MYO18B: variants seen among roughly 807,000 people sequenced by gnomAD.
MYO18B encodes the protein unconventional myosin-XVIIIb.
Under a neutral mutation model 273.0 loss-of-function variants are expected in MYO18B, and 204 were observed. The ratio of observed to expected loss-of-function variants is 0.75; its 90% CI spans 0.67 to 0.84. The LOEUF is 0.84. Among genes scored for constraint, MYO18B ranks in the 40% least tolerant of loss-of-function variants. The pLI is 0.00. For missense variants in MYO18B, 3,212 were observed against 3,287.6 expected, an observed-to-expected ratio of 0.98 and a Z score of 0.56; for synonymous variants, 1,330 against 1,305.7, an observed-to-expected ratio of 1.02 and a Z score of -0.40.
chr22:25,787,645 C>A (rs2087458633), intron 11 of MYO18B, among the ~76,000 whole-genome samples: 1 of 152,044 alleles, frequency 6.6e-6, no homozygotes, highest in African/African-American at 2.4e-5. Flanking sequence ...AATGAAATTT[C>A]TTTCATTCTC....
chr22:25,781,142 A>T (rs1399569353), intron 9 of MYO18B, among the ~76,000 whole-genome samples: 2 of 152,222 alleles, frequency 1.3e-5, no homozygotes, highest in African/African-American at 4.8e-5. Flanking sequence ...AAAAGGGAAT[A>T]TGTTGGAAGG....
chr22:25,803,321 G>A (rs958538401), intron 12 of MYO18B, among the ~76,000 whole-genome samples: 1 of 152,144 alleles, frequency 6.6e-6, no homozygotes, highest in African/African-American at 2.4e-5. Context: ...TTGTAGGATG[G>A]ATCAGTATTT....
intron 11 of MYO18B, among the ~76,000 whole-genome samples, chr22:25,789,792 C>A (rs2087576721): frequency 6.6e-6 from 1 of 152,184 alleles, no homozygotes; most frequent in South Asian, 2.1e-4. Flanking sequence ...TGGTCCTATA[C>A]CTGCAGGTGT....
In MYO18B at chr22:26,027,274, G is replaced by A. The variant is rs983088938; in HGVS notation, c.7300G>A (p.Glu2434Lys). 3 of 1,613,992 alleles carry A rather than the reference G, an allele frequency of 1.9e-6. No homozygotes were observed. Among genetic ancestry groups the A allele is most frequent in the South Asian group, 1.1e-5 (1 of 91,080 alleles). ...FSWKLPSLDYERKTKVDFDDF... is the reference protein window; with the variant it reads ...FSWKLPSLDYKRKTKVDFDDF... The stretch of plus-strand genomic sequence containing the variant: ...CTGGAAACTCCCAAGCCTCGACTAC[G>A]AACGCAAGACCAAAGTGGACTTCGA... The change falls in exon 43 of 44, where the codon GAA (glutamate) becomes AAA (lysine). Residue 2434 changes from glutamate (E) to lysine (K), a missense_variant. Glu to Lys is a moderately conservative substitution (Grantham distance 56). Transcript: ENST00000335473. This position sits in a 1 kb window ranked among gnomAD's most constrained non-coding sequence, Gnocchi z 4.1.
intron 39 of MYO18B, among the ~76,000 whole-genome samples, chr22:25,970,801 G>A (rs185510315): frequency 2.7e-5 from 4 of 148,076 alleles, no homozygotes; most frequent in Non-Finnish European, 5.9e-5. Flanking sequence ...GAGACAAAGC[G>A]TCCTGCTGGA....
rs769759687 is a variant in MYO18B at position 25,955,250 on chromosome 22, G to A, written c.6042G>A (p.Glu2014=). The A allele has an allele frequency of 1.9e-6, 3 of 1,613,756 alleles. No homozygotes were observed. The South Asian group carries it at 3.3e-5, about 18-fold the overall frequency. Residue 2014 remains glutamate, a synonymous_variant, in exon 39 of 44, where the codon GAG becomes GAA. Coordinates refer to ENST00000335473, the MANE Select transcript of MYO18B (RefSeq NM_032608.7). ...GEELSQAATS[E]SQQRESSQYY... ...AGCTTTCACAGGCGGCCACCTCCGA[G>A]TCCCAGCAGCGGGAGAGCAGCCAGT...
At chr22:25,838,260 G>A (rs1030112862) in intron 17 of MYO18B, among the ~76,000 whole-genome samples, 6 of 151,944 alleles carry the variant, frequency 3.9e-5, no homozygotes, top group Non-Finnish European at 5.9e-5. Flanking sequence ...GTGCAGTGGC[G>A]CGATCTCAGC....
intron 11 of MYO18B, among the ~76,000 whole-genome samples, chr22:25,790,391 G>A (rs2087609622): frequency 6.6e-6 from 1 of 152,216 alleles, no homozygotes; most frequent in Admixed American, 6.5e-5. Flanking sequence ...CGTCTGGCTT[G>A]TATTACCATC....
intron 39 of MYO18B, among the ~76,000 whole-genome samples, chr22:25,972,164 T>G (rs971620648): frequency 1.3e-5 from 2 of 151,226 alleles, no homozygotes; most frequent in African/African-American, 4.8e-5. Context: ...GTATTTTATA[T>G]TTATATATGA....
chr22:26,060,872 C>T, the MYO18B span, among the ~76,000 whole-genome samples: 1 of 104,120 alleles, frequency 9.6e-6, no homozygotes, highest in Non-Finnish European at 1.7e-5. Flanking sequence ...CACAAACACA[C>T]AGTTTTACAT....
chr22:25,763,234 C>A lies in MYO18B; in HGVS notation c.43C>A (p.Arg15=). The A allele has an allele frequency of 6.2e-7, 1 of 1,607,960 alleles. No individual in the cohort carries two copies. Among genetic ancestry groups the A allele is most frequent in the Non-Finnish European group, 8.5e-7 (1 of 1,175,854 alleles). Residue 15 remains arginine (R), a synonymous_variant, in exon 3 of 44, where the codon CGG becomes AGG. Transcript: ENST00000335473. ...SRLALWEQKI[R]EEDKSPPPSS... ...TTTCCTTGCTTCTGCAAAACAGATT[C>A]GGGAAGAGGACAAGAGCCCTCCACC...
intron 39 of MYO18B, among the ~76,000 whole-genome samples, chr22:25,960,864 TG>T (rs1472870072): frequency 4.6e-5 from 7 of 152,126 alleles, no homozygotes; most frequent in Non-Finnish European, 1.0e-4. Context: ...AAATCTTTTA[TG>T]GGGCCGGATA....
chr22:26,007,665 T>C (rs892433532), intron 42 of MYO18B, among the ~76,000 whole-genome samples: 1 of 152,158 alleles, frequency 6.6e-6, no homozygotes, highest in Non-Finnish European at 1.5e-5. Context: ...GCATTCTGAG[T>C]TGCAAAGGAC....
At position 25,884,373 on chromosome 22, in the gene MYO18B, T is replaced by C. The variant is rs150780883; in HGVS notation, c.4314+6325T>C. On this transcript the variant is annotated intron_variant, in intron 25 of 43. Coordinates refer to ENST00000335473, the MANE Select transcript of MYO18B (RefSeq NM_032608.7). ...GTCCTGCCACAGCATCATGCTTCTGTGAGGAACTGGACTGGTAGCTCCCTA... is the reference window on the plus strand; with the variant it reads ...GTCCTGCCACAGCATCATGCTTCTGCGAGGAACTGGACTGGTAGCTCCCTA... Among the ~76,000 whole-genome samples, 352 of 152,262 alleles carry C rather than the reference T, an allele frequency of 2.3e-3. 4 individuals carry two copies. The highest frequency in any genetic ancestry group is 8.1e-3 in the African/African-American group (338 of 41,546).
At chr22:25,923,820 C>G (rs777541381) in intron 34 of MYO18B, among the ~76,000 whole-genome samples, 14 of 152,282 alleles carry the variant, frequency 9.2e-5, no homozygotes, top group Non-Finnish European at 2.1e-4. Flanking sequence ...TCCCTTCCCC[C>G]AACAGGTGGA....
At chr22:25,790,511 CTCCCCTCGGCCCTAAGT>C (rs1478562539) in intron 11 of MYO18B, among the ~76,000 whole-genome samples, 2 of 152,160 alleles carry the variant, frequency 1.3e-5, no homozygotes, top group Non-Finnish European at 2.9e-5. Context: ...TATGATTTGT[CTCCCCTCGGCCCTAAGT>C]TCCATGAGGG....
intron 11 of MYO18B, among the ~76,000 whole-genome samples, chr22:25,785,753 C>T (rs1366467748): frequency 2.6e-5 from 4 of 152,182 alleles, no homozygotes; most frequent in Non-Finnish European, 4.4e-5. Flanking sequence ...AGCCCCAGCT[C>T]TGACACTTGT....
intron 12 of MYO18B, among the ~76,000 whole-genome samples, chr22:25,819,316 A>G (rs1337143393): frequency 1.3e-5 from 2 of 152,138 alleles, no homozygotes; most frequent in Non-Finnish European, 2.9e-5. Context: ...TCAATTGCCA[A>G]TTTCCTTTAT....
intron 40 of MYO18B, among the ~76,000 whole-genome samples, chr22:25,999,590 T>C (rs1189235202): frequency 4.0e-5 from 4 of 99,734 alleles, no homozygotes; most frequent in South Asian, 4.2e-4. Context: ...CCTCCTCCTC[T>C]TCCTCCTTTC....
Sources: gnomAD v4.1 joint callset for allele counts (sites outside exome capture counted in the v4.1 genomes callset) on GRCh38, gnomAD v4.1.1 for gene constraint, Gnocchi (gnomAD v3.1) non-coding constraint, MANE v1.5 for transcripts, NCBI Gene and HGNC (gene_info 2026-07-23, HGNC 2026-07-21) for gene names.